CRACR2A: variants seen among roughly 807,000 people sequenced by gnomAD.
CRACR2A encodes calcium release activated channel regulator 2A.
In CRACR2A, 79 loss-of-function variants were observed where a neutral mutation model predicts 90.5. The observed-to-expected ratio is 0.87, with a 90% CI of 0.73 to 1.05. CRACR2A has a LOEUF of 1.05. CRACR2A is among the 50% of genes least tolerant of loss of function. CRACR2A has a pLI of 0.00. For synonymous variants in CRACR2A, 338 were observed against 356.7 expected (o/e 0.95, Z 0.59); for missense variants, 823 against 897.2 (o/e 0.92, Z 1.06).
At chr12:3,659,762 G>C (rs1944993376) in intron 7 of CRACR2A, 108 bp from the exon 8 acceptor site, 1 of 854,692 alleles carries the variant, frequency 1.2e-6, no homozygotes, top group African/African-American at 1.7e-5. Flanking sequence ...GGGTGTGGGG[G>C]TGACAGCATA....
rs769888510 is a variant in CRACR2A, at chr12:3,638,498, A to G, written c.1272-44T>C. 1.6e-5 allele frequency: 24 copies of G among 1,482,690 alleles called. 1 individual carries two copies. The South Asian group carries it at 3.3e-4, about 20-fold the overall frequency. The allele number at this position is 1,482,690 out of a possible 1,614,324, so 91.8% of individuals were successfully genotyped here. A position where few individuals can be genotyped will look rare whatever the true frequency, so the allele number is the denominator to read the frequency against. Reference sequence around the variant, plus strand: ...GAGAAGAGTTGGGAGGATTTCACAAAATATTTCAATACGGGCTGCATAACA... The same window carrying G: ...GAGAAGAGTTGGGAGGATTTCACAAGATATTTCAATACGGGCTGCATAACA... On this transcript the variant is annotated intron_variant, in intron 13 of 19. Transcript: ENST00000440314.
chr12:3,670,669 T>C, intron 7 of CRACR2A, among the ~76,000 whole-genome samples: 1 of 152,216 alleles, frequency 6.6e-6, no homozygotes, highest in East Asian at 1.9e-4. Flanking sequence ...AAACATCCGA[T>C]GTTGCCAATA....
chr12:3,641,894 A>T, intron 12 of CRACR2A, 56 bp from the exon 13 acceptor site: 4 of 1,468,890 alleles, frequency 2.7e-6, no homozygotes, highest in Middle Eastern at 3.4e-4. Flanking sequence ...ATGTTTGAAC[A>T]GAAAAGGGCT....
intron 4 of CRACR2A, among the ~76,000 whole-genome samples, chr12:3,685,253 A>G (rs1016657279): frequency 1.3e-5 from 2 of 152,330 alleles, no homozygotes; most frequent in Admixed American, 6.5e-5. Flanking sequence ...TCTTTTCTCT[A>G]AGACAGGACA....
chr12:3,655,264 C>T (rs1010851684), intron 9 of CRACR2A, among the ~76,000 whole-genome samples: 2 of 152,162 alleles, frequency 1.3e-5, no homozygotes, highest in Non-Finnish European at 2.9e-5. Context: ...TTGCTAGGAA[C>T]TTAATGCATA....
chr12:3,640,643 G>A (rs1449141613), intron 13 of CRACR2A: 1 of 1,305,346 alleles, frequency 7.7e-7, no homozygotes. Flanking sequence ...AGGCCCAAAG[G>A]TTTTACTGAT....
chr12:3,680,783 A>G (rs10491972), intron 4 of CRACR2A, among the ~76,000 whole-genome samples: 19,446 of 152,272 alleles, frequency 0.13, 1,558 homozygotes, highest in Middle Eastern at 0.19. Flanking sequence ...CACTCTCAAC[A>G]TCTGTAAAGG....
intron 13 of CRACR2A, chr12:3,640,706 C>A (rs1565469320): frequency 7.7e-7 from 1 of 1,305,350 alleles, no homozygotes; most frequent in Middle Eastern, 2.1e-4. Context: ...TTTTTCATTT[C>A]ATGCTTGCAG....
chr12:3,645,697 C>T (rs991605513), intron 11 of CRACR2A, among the ~76,000 whole-genome samples: 6 of 151,856 alleles, frequency 4.0e-5, no homozygotes, highest in South Asian at 2.1e-4. Context: ...TGGAACAGCA[C>T]GGGGAAAAGG....
intron 19 of CRACR2A, among the ~76,000 whole-genome samples, chr12:3,616,014 C>A (rs143327962): frequency 2.8e-3 from 429 of 152,368 alleles, no homozygotes; most frequent in Middle Eastern, 0.01. Flanking sequence ...TTTCCAAACG[C>A]TTTTGCGTTA....
chr12:3,650,009 G>A (rs1944765999), intron 10 of CRACR2A, among the ~76,000 whole-genome samples: 1 of 152,164 alleles, frequency 6.6e-6, no homozygotes, highest in African/African-American at 2.4e-5. Context: ...TTCCTTCTGT[G>A]TTCTATACCA....
chr12:3,634,757 G>A (rs1321460479), intron 14 of CRACR2A, among the ~76,000 whole-genome samples: 1 of 152,106 alleles, frequency 6.6e-6, no homozygotes, highest in Non-Finnish European at 1.5e-5. Flanking sequence ...CAGTACTTGA[G>A]TTTCAGATAA....
chr12:3,721,855 G>C (rs1946183029), intron 2 of CRACR2A, among the ~76,000 whole-genome samples: 1 of 152,124 alleles, frequency 6.6e-6, no homozygotes, highest in Non-Finnish European at 1.5e-5. Context: ...CAGGGCTGTG[G>C]GGAGGGGAAG....
At chr12:3,628,876 C>T (rs562241338) in intron 15 of CRACR2A, among the ~76,000 whole-genome samples, 3 of 152,222 alleles carry the variant, frequency 2.0e-5, no homozygotes, top group Non-Finnish European at 2.9e-5. Context: ...CAGCCACTGC[C>T]GCTGGGCAAA....
At chr12:3,733,970 C>CTTCTTTTT (rs1555121368) in intron 1 of CRACR2A, among the ~76,000 whole-genome samples, 1 of 55,612 alleles carries the variant, frequency 1.8e-5, no homozygotes, top group Admixed American at 2.3e-4. Flanking sequence ...CACATTTTGC[C>CTTCTTTTT]TTATTTTTTT....
At chr12:3,643,863 A>C (rs7487077) in intron 12 of CRACR2A, among the ~76,000 whole-genome samples, 1 of 90,970 alleles carries the variant, frequency 1.1e-5, no homozygotes, top group African/African-American at 4.1e-5. Flanking sequence ...TATTTATATT[A>C]TATATATTAT....
rs115139117 is a variant in CRACR2A, at chr12:3,745,963, C to T, written c.-387+7052G>A. Reference sequence around the variant, plus strand: ...GTGTCTCTCATCTCCCTCCCGCTGACCTCCCTGACCCCATTCATGTCTTCA... The same window carrying T: ...GTGTCTCTCATCTCCCTCCCGCTGATCTCCCTGACCCCATTCATGTCTTCA... On this transcript the variant is annotated intron_variant, in intron 1 of 19. Coordinates refer to ENST00000440314, the MANE Select transcript of CRACR2A (RefSeq NM_001144958.2). 4.3e-3 allele frequency among the ~76,000 whole-genome samples: 658 copies of T among 152,112 alleles called. 5 individuals are homozygous for T. The highest frequency in any genetic ancestry group is 0.014 in the African/African-American group (597 of 41,498).
rs970932917 is a variant in CRACR2A at position 3,648,529 on chromosome 12, C to A, written c.1118+13G>T. The A allele has an allele frequency of 3.7e-6, 6 of 1,614,032 alleles. No homozygotes were observed. In the Admixed American group the frequency reaches 6.7e-5, roughly 18 times the overall value. On this transcript the variant is annotated intron_variant, in intron 11 of 19. Coordinates refer to ENST00000440314, the MANE Select transcript of CRACR2A (RefSeq NM_001144958.2). ...GAGGTGCTCTCAGCACAGGCCAGTG[C>A]CCACCGACGCACCTTAGGAAATCCA...
chr12:3,738,065 A>G (rs1353969088), intron 1 of CRACR2A, among the ~76,000 whole-genome samples: 1 of 152,250 alleles, frequency 6.6e-6, no homozygotes, highest in African/African-American at 2.4e-5. Context: ...TAGGGTATTC[A>G]TAAAGTGCAT....
Sources: gnomAD v4.1 joint callset for allele counts (sites outside exome capture counted in the v4.1 genomes callset) on GRCh38, gnomAD v4.1.1 for gene constraint, MANE v1.5 for transcripts, NCBI Gene and HGNC (gene_info 2026-07-23, HGNC 2026-07-21) for gene names.